Variants in VAV2 observed in about 807,000 individuals in gnomAD.
VAV2 encodes vav guanine nucleotide exchange factor 2, also known as guanine nucleotide exchange factor VAV2.
VAV2 carries 67 observed loss-of-function variants against 132.5 expected under a neutral mutation model. That is an observed-to-expected ratio of 0.51 (90% CI 0.42 to 0.62). VAV2 has a LOEUF of 0.62. Among genes scored for constraint, VAV2 ranks in the 20% least tolerant of loss-of-function variants. VAV2 has a pLI of 0.00. For missense variants in VAV2, 938 were observed against 1,153.6 expected (o/e 0.81, Z 2.71); for synonymous variants, 492 against 443.5 (o/e 1.11, Z -1.37).
At chr9:133,809,400 C>A (rs1835278197) in intron 6 of VAV2, among the ~76,000 whole-genome samples, 1 of 152,196 alleles carries the variant, frequency 6.6e-6, no homozygotes. Context: ...GAGGCAGAGC[C>A]TTCTAGAATC....
In VAV2 at chr9:133,949,416, C is replaced by T. The variant is rs554883406; in HGVS notation, c.205-10197G>A. Among the ~76,000 whole-genome samples the T allele has an allele frequency of 9.2e-5, 14 of 152,362 alleles. No homozygotes were observed. In the South Asian group the frequency reaches 1.7e-3, roughly 18 times the overall value. ...GGATGCTGGAGACACGTGGCTGACA[C>T]GTGGCACCCGCTAGGGCTCTGAGCC... On this transcript the variant is annotated intron_variant, in intron 1 of 29. Transcript: ENST00000371850.
In VAV2 at chr9:133,991,443, G is replaced by A. The variant is rs1032952957; in HGVS notation, c.204+632C>T. 1.3e-5 allele frequency among the ~76,000 whole-genome samples: 2 copies of A among 150,572 alleles called. No homozygotes were observed. The highest frequency in any genetic ancestry group is 4.9e-5 in the African/African-American group (2 of 40,750). ...GAAAGCGATGGGGGCCAGGACTGGG[G>A]CCAAGTGGCCCTGGGGATCCTCGAG... On this transcript the variant is annotated intron_variant, in intron 1 of 29. Coordinates refer to ENST00000371850, the MANE Select transcript of VAV2 (RefSeq NM_001134398.2). This position sits in a 1 kb window ranked among gnomAD's most constrained non-coding sequence, Gnocchi z 4.8.
chr9:133,983,435 C>T (rs1298308862), intron 1 of VAV2, among the ~76,000 whole-genome samples: 4 of 152,170 alleles, frequency 2.6e-5, no homozygotes, highest in Non-Finnish European at 4.4e-5. Context: ...GGCGGATGCT[C>T]ACCCACGCCA....
At chr9:133,946,077 CA>C (rs964676671) in intron 1 of VAV2, among the ~76,000 whole-genome samples, 1 of 152,200 alleles carries the variant, frequency 6.6e-6, no homozygotes, top group Non-Finnish European at 1.5e-5. Context: ...GGAGAGCTGG[CA>C]GGGGGGTTGG....
In VAV2 at chr9:133,967,654, G is replaced by A. The variant is rs146745523; in HGVS notation, c.204+24421C>T. ...CAGAAAGCTAAATATCATATGGGCCGGGTGCAGTGGCTCACACCTATAATC... is the reference window on the plus strand; with the variant it reads ...CAGAAAGCTAAATATCATATGGGCCAGGTGCAGTGGCTCACACCTATAATC... On this transcript the variant is annotated intron_variant, in intron 1 of 29. Transcript: ENST00000371850. Among the ~76,000 whole-genome samples, 1,147 of 152,238 alleles carry A rather than the reference G, an allele frequency of 7.5e-3. 5 individuals are homozygous for A. Among genetic ancestry groups the A allele is most frequent in the Non-Finnish European group, 0.012 (848 of 68,016 alleles).
chr9:133,806,227 G>A, intron 8 of VAV2, 46 bp from the exon 9 acceptor site: 1 of 1,576,040 alleles, frequency 6.3e-7, no homozygotes, highest in East Asian at 2.3e-5. Context: ...CCCACCCAAG[G>A]CTAGACGGGA....
intron 2 of VAV2, among the ~76,000 whole-genome samples, chr9:133,929,568 A>G (rs1840603774): frequency 6.6e-6 from 1 of 152,080 alleles, no homozygotes; most frequent in African/African-American, 2.4e-5. Context: ...GAGGAGAGGA[A>G]TAGAAGTGGT....
At chr9:133,892,345 G>C (rs535612857) in intron 2 of VAV2, among the ~76,000 whole-genome samples, 6 of 151,820 alleles carry the variant, frequency 4.0e-5, no homozygotes, top group African/African-American at 1.5e-4. Context: ...TGTGAGCCAG[G>C]AGTGTCCTTT....
intron 13 of VAV2, among the ~76,000 whole-genome samples, chr9:133,790,616 G>T (rs771216812): frequency 5.3e-5 from 8 of 152,202 alleles, no homozygotes; most frequent in Non-Finnish European, 1.0e-4. Flanking sequence ...GCACGGACCC[G>T]CCAGGTGCTG....
chr9:133,932,290 G>A (rs937812857), intron 2 of VAV2, among the ~76,000 whole-genome samples: 2 of 152,210 alleles, frequency 1.3e-5, no homozygotes, highest in East Asian at 1.9e-4. Context: ...AGGCCGTGGC[G>A]GGGAGCAGGG....
chr9:133,816,532 C>T (rs1835566340), intron 4 of VAV2, among the ~76,000 whole-genome samples: 1 of 152,180 alleles, frequency 6.6e-6, no homozygotes, highest in African/African-American at 2.4e-5. Flanking sequence ...TCACTTTTTT[C>T]CCATAGGAAT....
rs1006295835 is a variant in VAV2 at position 133,919,316 on chromosome 9, G to A, written c.321+19787C>T. ...CAGCAATCCTGCTAAGCTGGCACTT[G>A]TGGGAAAATAGAGGCTCAGAAAGGC... is the stretch of plus-strand genomic sequence containing the variant. On this transcript the variant is annotated intron_variant, in intron 2 of 29. Coordinates refer to ENST00000371850, the MANE Select transcript of VAV2 (RefSeq NM_001134398.2). This position sits in a 1 kb window ranked among gnomAD's most constrained non-coding sequence, Gnocchi z 5.8. Among the ~76,000 whole-genome samples, 6 of 152,188 alleles carry A rather than the reference G, an allele frequency of 3.9e-5. No homozygotes were observed. The highest frequency in any genetic ancestry group is 1.4e-4 in the African/African-American group (6 of 41,442).
At position 133,823,412 on chromosome 9, in the gene VAV2, G is replaced by A. The variant is rs573873487; in HGVS notation, c.449+10860C>T. ...TAGAATGAATAGGAGTTGGGCAATC[G>A]ATATAGGAGATACTACGTACGTGAT... On this transcript the variant is annotated intron_variant, in intron 4 of 29. Coordinates refer to ENST00000371850, the MANE Select transcript of VAV2 (RefSeq NM_001134398.2). This position sits in a 1 kb window ranked among gnomAD's most constrained non-coding sequence, Gnocchi z 5.5. 1.3e-4 allele frequency among the ~76,000 whole-genome samples: 20 copies of A among 152,266 alleles called. No individual in the cohort carries two copies. Among genetic ancestry groups the A allele is most frequent in the Admixed American group, 5.9e-4 (9 of 15,288 alleles).
intron 2 of VAV2, among the ~76,000 whole-genome samples, chr9:133,904,930 G>T (rs144037765): frequency 6.6e-6 from 1 of 152,380 alleles, no homozygotes; most frequent in Non-Finnish European, 1.5e-5. Flanking sequence ...GCTGCACTGG[G>T]CAGTCAGACT....
chr9:133,862,371 G>A (rs948988859), intron 2 of VAV2, among the ~76,000 whole-genome samples: 4 of 152,238 alleles, frequency 2.6e-5, no homozygotes, highest in African/African-American at 9.6e-5. Context: ...GAGATGGGCG[G>A]GAAGCTGTCA....
chr9:133,936,852 C>A (rs551802852), intron 2 of VAV2, among the ~76,000 whole-genome samples: 1 of 152,328 alleles, frequency 6.6e-6, no homozygotes, highest in East Asian at 1.9e-4. Flanking sequence ...CACGGTGAGA[C>A]ATGGGGAGAC....
At chr9:133,948,996 T>C (rs1242418355) in intron 1 of VAV2, among the ~76,000 whole-genome samples, 1 of 152,134 alleles carries the variant, frequency 6.6e-6, no homozygotes, top group Non-Finnish European at 1.5e-5. Context: ...GGGTCCCGGC[T>C]GGCTTGCGTG....
intron 8 of VAV2, 21 bp downstream of exon 8, chr9:133,807,237 G>T (rs772482577): frequency 6.2e-7 from 1 of 1,606,744 alleles, no homozygotes. Context: ...TGGCATGAGC[G>T]ATGGGGGCCG....
At chr9:133,958,948 C>T (rs1841879594) in intron 1 of VAV2, among the ~76,000 whole-genome samples, 1 of 152,232 alleles carries the variant, frequency 6.6e-6, no homozygotes, top group Non-Finnish European at 1.5e-5. Flanking sequence ...GTGCTCCCTG[C>T]CCCGCCCCAG....
Sources: allele counts gnomAD v4.1 joint callset (sites outside exome capture counted in the v4.1 genomes callset), GRCh38; gene constraint gnomAD v4.1.1; non-coding constraint Gnocchi (gnomAD v3.1); transcripts MANE v1.5; gene names NCBI Gene and HGNC (gene_info 2026-07-23, HGNC 2026-07-21).